The following AKAP6 variants were observed in gnomAD, a reference collection of about 807,000 sequenced individuals.
AKAP6 encodes the protein A-kinase anchor protein 6.
AKAP6 carries 58 observed loss-of-function variants against 188.5 expected under a neutral mutation model. That is an observed-to-expected ratio of 0.31 (90% CI 0.25 to 0.38). The LOEUF (loss-of-function observed/expected upper bound fraction) is 0.38. AKAP6 is among the 10% of genes least tolerant of loss of function. The pLI, the probability that AKAP6 is intolerant of heterozygous loss-of-function variation, is 1.00. For synonymous variants in AKAP6, 989 were observed against 998.6 expected, an observed-to-expected ratio of 0.99 and a Z score of 0.18; for missense variants, 2,710 against 2,740.0, an observed-to-expected ratio of 0.99 and a Z score of 0.24.
intron 2 of AKAP6, among the ~76,000 whole-genome samples, chr14:32,439,525 A>T (rs772355523): frequency 1.3e-5 from 2 of 152,214 alleles, no homozygotes; most frequent in Non-Finnish European, 2.9e-5. Context: ...CAGTGGCTGA[A>T]GCCAACTTTC....
intron 1 of AKAP6, among the ~76,000 whole-genome samples, chr14:32,398,089 C>T (rs1888938261): frequency 6.6e-6 from 1 of 152,232 alleles, no homozygotes; most frequent in Non-Finnish European, 1.5e-5. Context: ...TAAACTATCA[C>T]TCTGTAAGAG....
intron 7 of AKAP6, among the ~76,000 whole-genome samples, chr14:32,638,132 C>T (rs904626184): frequency 6.6e-6 from 1 of 151,878 alleles, no homozygotes; most frequent in African/African-American, 2.4e-5. Flanking sequence ...AGAGGAAGAC[C>T]GAGCAGCCTC....
At chr14:32,672,235 T>A (rs944635238) in intron 7 of AKAP6, among the ~76,000 whole-genome samples, 19 of 152,318 alleles carry the variant, frequency 1.2e-4, no homozygotes, top group African/African-American at 4.6e-4. Flanking sequence ...AGGTGCTAAA[T>A]GCATACAAAA....
intron 7 of AKAP6, among the ~76,000 whole-genome samples, chr14:32,672,955 C>T (rs1325479399): frequency 1.3e-5 from 2 of 152,196 alleles, no homozygotes; most frequent in African/African-American, 4.8e-5. Flanking sequence ...ATAGCTTCCG[C>T]TGGCACTTCA....
At chr14:32,339,388 A>G (rs761160237) in intron 1 of AKAP6, among the ~76,000 whole-genome samples, 12 of 152,172 alleles carry the variant, frequency 7.9e-5, no homozygotes, top group Non-Finnish European at 1.5e-4. Context: ...GCTGATGGTT[A>G]GGGTATCATG....
chr14:32,340,023 T>C (rs1364243954), intron 1 of AKAP6, among the ~76,000 whole-genome samples: 2 of 151,730 alleles, frequency 1.3e-5, no homozygotes, highest in Non-Finnish European at 2.9e-5. Flanking sequence ...CAGTATCCTA[T>C]TTTTAGAATG....
At chr14:32,443,033 A>G (rs1271435030) in intron 2 of AKAP6, among the ~76,000 whole-genome samples, 1 of 65,352 alleles carries the variant, frequency 1.5e-5, no homozygotes, top group Non-Finnish European at 2.9e-5. Context: ...ATTTCAAGCT[A>G]TGGCATGTGT....
At chr14:32,641,708 T>C (rs1253735665) in intron 7 of AKAP6, among the ~76,000 whole-genome samples, 1 of 152,042 alleles carries the variant, frequency 6.6e-6, no homozygotes, top group African/African-American at 2.4e-5. Flanking sequence ...GAGCTACAAT[T>C]GGAACTTAAG....
At chr14:32,408,161 G>A (rs931371598) in intron 1 of AKAP6, among the ~76,000 whole-genome samples, 1 of 152,150 alleles carries the variant, frequency 6.6e-6, no homozygotes, top group African/African-American at 2.4e-5. Context: ...GGCTAGCAGC[G>A]GGGAGTGGGT....
chr14:32,430,752 C>T (rs1890190994), intron 1 of AKAP6, among the ~76,000 whole-genome samples: 1 of 152,094 alleles, frequency 6.6e-6, no homozygotes, highest in Non-Finnish European at 1.5e-5. Flanking sequence ...CCTTCTATAG[C>T]ATTGTGATTC....
intron 9 of AKAP6, among the ~76,000 whole-genome samples, chr14:32,723,549 GTATGTGTTTA>G (rs988315176): frequency 6.9e-5 from 10 of 145,018 alleles, no homozygotes; most frequent in East Asian, 6.0e-4. Context: ...ATATGTGTGC[GTATGTGTTTA>G]TGTGTGTGTG....
intron 7 of AKAP6, 101 bp from the exon 8 acceptor site, chr14:32,678,210 A>G: frequency 2.4e-6 from 3 of 1,275,960 alleles, no homozygotes; most frequent in Non-Finnish European, 3.2e-6. Context: ...AAGGAGCACT[A>G]TAATGATGTG....
intron 3 of AKAP6, among the ~76,000 whole-genome samples, chr14:32,537,618 G>GATGTTGGACAGATTTGA (rs1882744391): frequency 6.6e-6 from 1 of 152,108 alleles, no homozygotes; most frequent in Admixed American, 6.5e-5. Context: ...TCCAATGCTG[G>GATGTTGGACAGATTTGA]TCAGTGATCA....
intron 2 of AKAP6, among the ~76,000 whole-genome samples, chr14:32,434,136 A>G (rs936512732): frequency 6.6e-6 from 1 of 152,234 alleles, no homozygotes; most frequent in Non-Finnish European, 1.5e-5. Flanking sequence ...AAAGGGTTTA[A>G]TAAAAGACTC....
intron 2 of AKAP6, among the ~76,000 whole-genome samples, chr14:32,517,203 TTATGAATTTTACCTG>T (rs1332106158): frequency 2.0e-5 from 3 of 152,194 alleles, no homozygotes; most frequent in Non-Finnish European, 4.4e-5. Flanking sequence ...TAACTTTCCT[TTATGAATTTTACCTG>T]TATGAGCAAA....
At chr14:32,657,202 A>G (rs1056973867) in intron 7 of AKAP6, among the ~76,000 whole-genome samples, 4 of 152,158 alleles carry the variant, frequency 2.6e-5, no homozygotes, top group African/African-American at 9.7e-5. Flanking sequence ...AACTTGGGGT[A>G]TGGCTTTGCA....
At chr14:32,575,999 T>C (rs965109925) in intron 4 of AKAP6, among the ~76,000 whole-genome samples, 4 of 152,184 alleles carry the variant, frequency 2.6e-5, no homozygotes, top group Non-Finnish European at 4.4e-5. Flanking sequence ...ATGATTTTTT[T>C]TGAGGTAATC....
intron 9 of AKAP6, among the ~76,000 whole-genome samples, chr14:32,711,047 C>T (rs1382511168): frequency 6.6e-6 from 1 of 151,956 alleles, no homozygotes; most frequent in Non-Finnish European, 1.5e-5. Flanking sequence ...TTCGCTAATC[C>T]CTGGTATAAA....
intron 11 of AKAP6, among the ~76,000 whole-genome samples, chr14:32,743,823 T>G (rs558600541): frequency 3.3e-5 from 5 of 152,212 alleles, no homozygotes; most frequent in Admixed American, 3.3e-4. Context: ...CATACCACAG[T>G]TGCATTGTTA....
Sources: allele counts gnomAD v4.1 joint callset (sites outside exome capture counted in the v4.1 genomes callset), GRCh38; gene constraint gnomAD v4.1.1; transcripts MANE v1.5; gene names NCBI Gene and HGNC (gene_info 2026-07-23, HGNC 2026-07-21).